MMUT: variants seen among roughly 807,000 people sequenced by gnomAD.
The protein encoded by MMUT is methylmalonyl-CoA mutase, mitochondrial.
In MMUT, 79 loss-of-function variants were observed where a neutral mutation model predicts 79.9. The ratio of observed to expected loss-of-function variants is 0.99; its 90% confidence interval spans 0.82 to 1.19. The LOEUF (loss-of-function observed/expected upper bound fraction) is 1.19. Among genes scored for constraint, MMUT ranks in the 50% most tolerant of loss-of-function variants. The pLI is 0.00. For synonymous variants in MMUT, 273 were observed against 295.7 expected (o/e 0.92, Z 0.79); for missense variants, 860 against 917.2 (o/e 0.94, Z 0.81).
chr6:49,440,195 GT>G lies in MMUT; in HGVS notation c.1956+10del, dbSNP rs1767235195. On this transcript the variant is annotated intron_variant, in intron 11 of 12. Coordinates refer to ENST00000274813, the MANE Select transcript of MMUT (RefSeq NM_000255.4). ...AATACTTTTGAAATTCCCCCCAACA[GT>G]TTTTAGTACCTGGAAAAGAGGGCCT... 1 of 1,613,858 alleles carries G rather than the reference GT, an allele frequency of 6.2e-7. No individual in the cohort carries two copies. Among genetic ancestry groups the G allele is most frequent in the African/African-American group, 1.3e-5 (1 of 75,010 alleles).
chr6:49,459,400 A>C lies in MMUT; in HGVS notation c.67T>G (p.Ser23Ala). 6.2e-7 allele frequency: 1 copy of C among 1,613,598 alleles called. No individual in the cohort carries two copies. Residue 23 changes from serine (S) to alanine (A), a missense_variant, in exon 2 of 13, where the codon TCA becomes GCA. Physicochemically the swap from Ser to Ala is moderately conservative, Grantham distance 99. Coordinates refer to ENST00000274813, the MANE Select transcript of MMUT (RefSeq NM_000255.4). ...PHYLRQVKES[S>A]GSRLIQQRLL... The stretch of plus-strand genomic sequence containing the variant: ...CGTTGCTGTATGAGCCTGGAGCCTG[A>C]TGATTCTTTTACCTGCCTCAGGTAA...
intron 11 of MMUT, among the ~76,000 whole-genome samples, chr6:49,439,612 T>C (rs945201570): frequency 1.3e-5 from 2 of 152,154 alleles, no homozygotes; most frequent in African/African-American, 4.8e-5. Flanking sequence ...ATGAGGAATG[T>C]GTTGCTTCCA....
intron 7 of MMUT, among the ~76,000 whole-genome samples, 165 bp from the exon 8 acceptor site, chr6:49,447,950 G>A (rs1767453204): frequency 6.6e-6 from 1 of 151,946 alleles, no homozygotes; most frequent in Non-Finnish European, 1.5e-5. Flanking sequence ...AAGGGGGTGT[G>A]AGAGGAAAGT....
At position 49,455,553 on chromosome 6, in the gene MMUT, A is replaced by G. The variant is rs142137130; in HGVS notation, c.911+527T>C. Among the ~76,000 whole-genome samples, 7 of 152,338 alleles carry G rather than the reference A, an allele frequency of 4.6e-5. No individual in the cohort carries two copies. In the East Asian group the frequency reaches 1.4e-3, roughly 29 times the overall value. On this transcript the variant is annotated intron_variant, in intron 4 of 12. Transcript: ENST00000274813. ...AGTGTTTGGCACAGCAAAGCTTAGC[A>G]AGTGATTGCTGTACTGATTGAACCA... is the stretch of plus-strand genomic sequence containing the variant.
chr6:49,451,348 T>G (rs1767546004), intron 6 of MMUT, 118 bp downstream of exon 6: 1 of 1,164,110 alleles, frequency 8.6e-7, no homozygotes, highest in Admixed American at 2.8e-5. Flanking sequence ...TATAAATCTG[T>G]AAGTGATTTG....
chr6:49,435,772 G>T, intron 11 of MMUT, 149 bp from the exon 12 acceptor site: 1 of 800,610 alleles, frequency 1.2e-6, no homozygotes, highest in South Asian at 1.8e-5. Flanking sequence ...TACAACAAAA[G>T]CAAAAATTGA....
intron 10 of MMUT, among the ~76,000 whole-genome samples, chr6:49,441,366 G>A (rs1336668432): frequency 2.0e-5 from 3 of 151,922 alleles, no homozygotes; most frequent in African/African-American, 4.8e-5. Context: ...AATGAAAAAT[G>A]TAAACAACTT....
rs879253839 is a variant in MMUT at position 49,451,716 on chromosome 6, T to C, written c.1084-2A>G. 3 of 1,613,456 alleles carry C rather than the reference T, an allele frequency of 1.9e-6. No homozygotes were observed. The highest frequency in any genetic ancestry group is 8.5e-7 in the Non-Finnish European group (1 of 1,179,664). The stretch of plus-strand genomic sequence containing the variant: ...ACGGACAATATTATTGTAGGGATCC[T>C]AAAATATTTGATAAAAAACAAAAAC... On this transcript the variant is annotated splice_acceptor_variant, in intron 5 of 12. Transcript: ENST00000274813. LOFTEE classifies it high-confidence loss of function.
intron 1 of MMUT, among the ~76,000 whole-genome samples, chr6:49,461,507 G>T (rs901115125): frequency 6.6e-6 from 1 of 151,764 alleles, no homozygotes; most frequent in Non-Finnish European, 1.5e-5. Context: ...GGTGGTTCAC[G>T]CCTGGAATCC....
intron 11 of MMUT, among the ~76,000 whole-genome samples, chr6:49,437,191 T>G (rs1222033271): frequency 1.3e-5 from 2 of 152,210 alleles, no homozygotes; most frequent in Non-Finnish European, 2.9e-5. Context: ...ATCGTTACAT[T>G]ATTTCCCTCA....
At position 49,456,181 on chromosome 6, in the gene MMUT, C is replaced by T. The variant is rs1767682720; in HGVS notation, c.810G>A (p.Gly270=). 1.9e-6 allele frequency: 3 copies of T among 1,612,298 alleles called. No homozygotes were observed. In the African/African-American group the frequency reaches 4.0e-5, roughly 22 times the overall value. The change falls in exon 4 of 13, where the codon GGG becomes GGA. Residue 270 remains glycine, a synonymous_variant. Transcript: ENST00000274813. ...SISGYHMQEA[G]ADAILELAYT... is the part of the protein sequence containing the mutation. Reference sequence around the variant, plus strand: ...AGGCCAGCTCCAGAATGGCATCAGCCCCTGCTTCCTGCATATGGTATCCAC... The same window carrying T: ...AGGCCAGCTCCAGAATGGCATCAGCTCCTGCTTCCTGCATATGGTATCCAC...
At chr6:49,439,898 T>A (rs1767226524) in intron 11 of MMUT, among the ~76,000 whole-genome samples, 1 of 152,164 alleles carries the variant, frequency 6.6e-6, no homozygotes, top group Admixed American at 6.5e-5. Flanking sequence ...TGGACCAGTG[T>A]GATATCTTGC....
intron 2 of MMUT, 120 bp from the exon 3 acceptor site, chr6:49,458,178 T>G (rs1767743164): frequency 1.0e-6 from 1 of 993,360 alleles, no homozygotes; most frequent in Admixed American, 2.5e-5. Context: ...TTATAACAAC[T>G]ATTTTTATGC....
rs575992798 is a variant in MMUT, at chr6:49,438,978, G to C, written c.1956+1228C>G. The stretch of plus-strand genomic sequence containing the variant: ...CTATTGTGGGACCTTGTGATCATGT[G>C]AGTTAACACTTAATAAACTCCCCCT... On this transcript the variant is annotated intron_variant, in intron 11 of 12. Coordinates refer to ENST00000274813, the MANE Select transcript of MMUT (RefSeq NM_000255.4). 8.5e-5 allele frequency among the ~76,000 whole-genome samples: 13 copies of C among 152,222 alleles called. No individual in the cohort carries two copies. The East Asian group carries it at 1.7e-3, about 20-fold the overall frequency.
chr6:49,444,857 A>T (rs1767373400), intron 8 of MMUT, 103 bp from the exon 9 acceptor site: 1 of 796,578 alleles, frequency 1.3e-6, no homozygotes, highest in Non-Finnish European at 2.1e-6. Context: ...TTTTTTCCAT[A>T]ATCCTAACTC....
intron 9 of MMUT, among the ~76,000 whole-genome samples, chr6:49,443,353 T>C (rs1010504407): frequency 1.1e-4 from 17 of 152,176 alleles, no homozygotes; most frequent in Non-Finnish European, 2.1e-4. Context: ...AAGCTCAGGC[T>C]TCCTCTCCTT....
rs1226722287 is a variant in MMUT, at chr6:49,447,786, C to A, written c.1445-1G>T. 6.4e-7 allele frequency: 1 copy of A among 1,566,884 alleles called. No individual in the cohort carries two copies. The highest frequency in any genetic ancestry group is 1.7e-5 in the Admixed American group (1 of 59,824). On this transcript the variant is annotated splice_acceptor_variant, in intron 7 of 12. Transcript: ENST00000274813. LOFTEE classifies it high-confidence loss of function. ...TTTACTCCAACAATTACTTCAGAAC[C>A]TGGTAATTTCCCAAAGAAAAATTTT...
At position 49,436,897 on chromosome 6, in the gene MMUT, G is replaced by A. The variant is rs759374019; in HGVS notation, c.1957-1274C>T. 4.0e-4 allele frequency among the ~76,000 whole-genome samples: 61 copies of A among 152,044 alleles called. 1 individual carries two copies. The highest frequency in any genetic ancestry group is 3.4e-3 in the Middle Eastern group (1 of 294). ...GGGAGCTAAATTATGAGAACACATG[G>A]ACACAAACAAGGCAAAGAGGGAAAC... On this transcript the variant is annotated intron_variant, in intron 11 of 12. Coordinates refer to ENST00000274813, the MANE Select transcript of MMUT (RefSeq NM_000255.4).
Position 49,451,657 on chromosome 6 carries a change from C to T in MMUT, c.1141G>A (p.Gly381Arg). 2 of 1,614,052 alleles carry T rather than the reference C, an allele frequency of 1.2e-6. No individual in the cohort carries two copies. Reference protein sequence around the residue: ...AIEAMAAVFGGTQSLHTNSFD... With the variant: ...AIEAMAAVFGRTQSLHTNSFD... ...GAATTTGTGTGCAAAGACTGAGTCCCTCCAAATACTGCTGCCATTGCTTCT... is the reference window on the plus strand; with the variant it reads ...GAATTTGTGTGCAAAGACTGAGTCCTTCCAAATACTGCTGCCATTGCTTCT... The change falls in exon 6 of 13, where the codon GGG (glycine) becomes AGG (arginine). Residue 381 changes from glycine (G) to arginine (R), a missense_variant. Transcript: ENST00000274813.
Sources: allele counts gnomAD v4.1 joint callset (sites outside exome capture counted in the v4.1 genomes callset), GRCh38; gene constraint gnomAD v4.1.1; transcripts MANE v1.5; gene names NCBI Gene and HGNC (gene_info 2026-07-23, HGNC 2026-07-21).